Variants in KIF14 observed in about 807,000 individuals in gnomAD.
The protein encoded by KIF14 is kinesin-like protein KIF14.
In KIF14, 98 loss-of-function variants were observed where a neutral mutation model predicts 176.2. The ratio of observed to expected loss-of-function variants is 0.56; its 90% CI spans 0.47 to 0.66. The LOEUF is 0.66. KIF14 is among the 30% of genes least tolerant of loss of function. The probability of loss-of-function intolerance (pLI) is 0.00; values close to 1 mark genes in which losing one functional copy is unlikely to be tolerated. For missense variants in KIF14, 1,751 were observed against 1,920.4 expected (o/e 0.91, Z 1.65); for synonymous variants, 566 against 632.2 (o/e 0.90, Z 1.57).
At chr1:200,580,968 G>A (rs1471928965) in intron 20 of KIF14, among the ~76,000 whole-genome samples, 1 of 151,666 alleles carries the variant, frequency 6.6e-6, no homozygotes, top group Admixed American at 6.6e-5. Context: ...AAATTAGCTG[G>A]GTGTGGTGGC....
chr1:200,568,821 C>T (rs1657610552), intron 23 of KIF14, among the ~76,000 whole-genome samples: 1 of 152,028 alleles, frequency 6.6e-6, no homozygotes, highest in Non-Finnish European at 1.5e-5. Context: ...TGGCTTCTTT[C>T]ACTCAACATT....
chr1:200,610,558 T>C (rs1298198704), intron 4 of KIF14, among the ~76,000 whole-genome samples: 1 of 151,726 alleles, frequency 6.6e-6, no homozygotes, highest in African/African-American at 2.4e-5. Flanking sequence ...CAAAAGTCCT[T>C]GCATTTCTTC....
In KIF14 at chr1:200,569,609, A is replaced by G. The variant is rs16846916; in HGVS notation, c.3661+302T>C. ...TCCTCCTCACACAAATGACAGAATA[A>G]AATACATAATCCACTGCACTTTGCT... On this transcript the variant is annotated intron_variant, in intron 23 of 29. Transcript: ENST00000367350. Among the ~76,000 whole-genome samples the G allele has an allele frequency of 8.0e-3, 1,223 of 152,306 alleles. 11 individuals carry two copies. The highest frequency in any genetic ancestry group is 0.026 in the African/African-American group (1,094 of 41,556).
At chr1:200,607,472 G>A (rs960940990) in intron 5 of KIF14, among the ~76,000 whole-genome samples, 5 of 152,098 alleles carry the variant, frequency 3.3e-5, no homozygotes, top group African/African-American at 9.7e-5. Context: ...ACATTTGAAT[G>A]TTAAATCTTG....
At chr1:200,596,195 C>G (rs1247995361) in intron 14 of KIF14, among the ~76,000 whole-genome samples, 2 of 152,030 alleles carry the variant, frequency 1.3e-5, no homozygotes, top group Non-Finnish European at 2.9e-5. Context: ...TTGCAGTGAG[C>G]TGAGATGGTG....
At position 200,552,840 on chromosome 1, in the gene KIF14, T is replaced by C. The variant is rs1365413582; in HGVS notation, c.*548A>G. 2 of 151,990 alleles carry C rather than the reference T, an allele frequency of 1.3e-5. No homozygotes were observed. Among genetic ancestry groups the C allele is most frequent in the Admixed American group, 1.3e-4 (2 of 15,242 alleles). 9.4% of individuals were successfully genotyped at this position (151,990 alleles called of 1,614,324 possible). A position where few individuals can be genotyped will look rare whatever the true frequency, so the allele number is the denominator to read the frequency against. ...GTTCAGGTTTCCACTCATGAGAAAATAACCCTTTATAAACGACTAATGAAC... is the reference window on the plus strand; with the variant it reads ...GTTCAGGTTTCCACTCATGAGAAAACAACCCTTTATAAACGACTAATGAAC... On this transcript the variant is annotated 3_prime_UTR_variant, in exon 30 of 30. Transcript: ENST00000367350.
Position 200,602,002 on chromosome 1 carries a change from G to C in KIF14, c.2046C>G (p.Ala682=), listed in dbSNP as rs767687775. The change falls in exon 11 of 30, where the codon GCC becomes GCG. Residue 682 remains alanine, a synonymous_variant. Coordinates refer to ENST00000367350, the MANE Select transcript of KIF14 (RefSeq NM_014875.3). Reference sequence around the variant, plus strand: ...TGCTTAATGTTTCTTCTATGTTGCTGGCAGCGGGACTAATCGTAGCAATCA... The same window carrying C: ...TGCTTAATGTTTCTTCTATGTTGCTCGCAGCGGGACTAATCGTAGCAATCA... ...TAMIATISPA[A]SNIEETLSTL... 4 of 1,613,652 alleles carry C rather than the reference G, an allele frequency of 2.5e-6. No homozygotes were observed. Among genetic ancestry groups the C allele is most frequent in the Admixed American group, 3.3e-5 (2 of 59,978 alleles).
intron 10 of KIF14, among the ~76,000 whole-genome samples, 190 bp downstream of exon 10, chr1:200,603,036 A>G (rs752022372): frequency 2.0e-5 from 3 of 152,214 alleles, no homozygotes; most frequent in Non-Finnish European, 4.4e-5. Flanking sequence ...TAGAATATTA[A>G]GTAATTTGCC....
intron 22 of KIF14, among the ~76,000 whole-genome samples, chr1:200,572,444 A>G (rs942489506): frequency 6.6e-6 from 1 of 152,142 alleles, no homozygotes; most frequent in Non-Finnish European, 1.5e-5. Context: ...TCCTGGGTTC[A>G]TACCATTCTC....
At chr1:200,586,810 TATATATAC>T (rs1558068178) in intron 18 of KIF14, among the ~76,000 whole-genome samples, 1 of 111,802 alleles carries the variant, frequency 8.9e-6, no homozygotes, top group South Asian at 3.1e-4. Context: ...TATATATATA[TATATATAC>T]ACCATGAAAT....
chr1:200,605,393 T>C lies in KIF14; in HGVS notation c.1639-3A>G, dbSNP rs746989859. 7.5e-6 allele frequency: 12 copies of C among 1,603,742 alleles called. No individual in the cohort carries two copies. The highest frequency in any genetic ancestry group is 8.5e-6 in the Non-Finnish European group (10 of 1,172,894). Reference sequence around the variant, plus strand: ...TTATTTCCCAATTCTAGCCAACTCTTATAAGAAAAAAGGAAGGAAGATCAG... The same window carrying C: ...TTATTTCCCAATTCTAGCCAACTCTCATAAGAAAAAAGGAAGGAAGATCAG... On this transcript the variant is annotated splice_region_variant and splice_polypyrimidine_tract_variant and intron_variant, in intron 7 of 29. Transcript: ENST00000367350.
In KIF14 at chr1:200,618,243, T is replaced by C. The variant is rs774517278; in HGVS notation, c.481A>G (p.Arg161Gly). The change falls in exon 2 of 30, where the codon AGA becomes GGA. Residue 161 changes from arginine (R) to glycine (G), a missense_variant. Transcript: ENST00000367350. ...TENNGVSKES[R>G]TNVRIVNNAK... The stretch of plus-strand genomic sequence containing the variant: ...TTATTTACAATCCTTACATTTGTTC[T>C]ACTTTCCTTAGAAACACCATTATTT... 5 of 1,613,892 alleles carry C rather than the reference T, an allele frequency of 3.1e-6. No homozygotes were observed. In the Admixed American group the frequency reaches 8.3e-5, roughly 27 times the overall value.
chr1:200,608,243 A>G (rs1659980150), intron 5 of KIF14, among the ~76,000 whole-genome samples: 1 of 152,178 alleles, frequency 6.6e-6, no homozygotes, highest in African/African-American at 2.4e-5. Context: ...TTCAACTTAC[A>G]TGGTCCAACT....
Position 200,565,540 on chromosome 1 carries a change from G to A in KIF14, c.3791C>T (p.Ala1264Val). 1.2e-6 allele frequency: 2 copies of A among 1,611,346 alleles called. No homozygotes were observed. The highest frequency in any genetic ancestry group is 1.7e-6 in the Non-Finnish European group (2 of 1,179,018). The change falls in exon 24 of 30, where the codon GCA becomes GTA. Residue 1264 changes from alanine (A) to valine (V), a missense_variant. Transcript: ENST00000367350. ...AAGAAAACTATTAATTAGGCTGTCT[G>A]CTATAGTTCTTTCTTCATCATAACT... ...GQSYDEERTI[A>V]DSLINSFLKI...
At chr1:200,559,789 A>T (rs2808233) in intron 26 of KIF14, among the ~76,000 whole-genome samples, 1 of 151,304 alleles carries the variant, frequency 6.6e-6, no homozygotes, top group South Asian at 2.1e-4. Context: ...AGTTTCGCTC[A>T]TGTTGCCCAG....
intron 22 of KIF14, among the ~76,000 whole-genome samples, chr1:200,574,755 A>T (rs1334378243): frequency 6.6e-6 from 1 of 152,164 alleles, no homozygotes; most frequent in Admixed American, 6.6e-5. Flanking sequence ...CTTGAAAAGC[A>T]TCTATTATTC....
chr1:200,574,388 C>T (rs540954188), intron 22 of KIF14, among the ~76,000 whole-genome samples: 44 of 152,300 alleles, frequency 2.9e-4, no homozygotes, highest in African/African-American at 1.0e-3. Context: ...CATCCTTGCA[C>T]CCTTCACACC....
intron 14 of KIF14, among the ~76,000 whole-genome samples, chr1:200,596,283 C>T (rs149353688): frequency 6.6e-6 from 1 of 152,018 alleles, no homozygotes; most frequent in Non-Finnish European, 1.5e-5. Flanking sequence ...TTACAAAGCT[C>T]AAGTAATTAC....
At chr1:200,609,579 G>A (rs1019773249) in intron 4 of KIF14, among the ~76,000 whole-genome samples, 1 of 152,214 alleles carries the variant, frequency 6.6e-6, no homozygotes, top group South Asian at 2.1e-4. Flanking sequence ...AACCTGGGAG[G>A]TGGAGGTTGC....
Sources: gnomAD v4.1 joint callset for allele counts (sites outside exome capture counted in the v4.1 genomes callset) on GRCh38, gnomAD v4.1.1 for gene constraint, MANE v1.5 for transcripts, NCBI Gene and HGNC (gene_info 2026-07-23, HGNC 2026-07-21) for gene names.